B3GALT1: variants seen among roughly 807,000 people sequenced by gnomAD.
The protein encoded by B3GALT1 is UDP-Gal:betaGlcNAc beta 1,3-galactosyltransferase, polypeptide 1.
Under a neutral mutation model 23.2 loss-of-function variants are expected in B3GALT1, and 10 were observed. That is an observed-to-expected ratio of 0.43 (90% CI 0.27 to 0.73). The LOEUF is 0.73. Ranked by LOEUF, B3GALT1 falls within the 30% of genes least tolerant of loss-of-function variation. The probability of loss-of-function intolerance (pLI) is 0.21; values close to 1 mark genes in which losing one functional copy is unlikely to be tolerated. For missense variants in B3GALT1, 299 were observed against 405.4 expected (o/e 0.74, Z 2.25); for synonymous variants, 156 against 141.5 (o/e 1.10, Z -0.73).
intron 2 of B3GALT1, among the ~76,000 whole-genome samples, chr2:167,575,146 A>G (rs1684358999): frequency 6.6e-6 from 1 of 151,820 alleles, no homozygotes; most frequent in African/African-American, 2.4e-5. Context: ...TGTTATAAGG[A>G]TGAAATAAGT....
At chr2:167,479,583 A>G (rs541268527) in intron 1 of B3GALT1, among the ~76,000 whole-genome samples, 3 of 152,314 alleles carry the variant, frequency 2.0e-5, no homozygotes, top group East Asian at 1.9e-4. Context: ...AGTAAGCACA[A>G]TTCAACTCTG....
At chr2:167,542,802 T>G (rs1683554137) in intron 2 of B3GALT1, among the ~76,000 whole-genome samples, 1 of 151,896 alleles carries the variant, frequency 6.6e-6, no homozygotes, top group Non-Finnish European at 1.5e-5. Flanking sequence ...TTAAAGCTTT[T>G]TTTTTTTTTG....
At chr2:167,430,155 T>G (rs975781353) in intron 1 of B3GALT1, among the ~76,000 whole-genome samples, 1 of 152,150 alleles carries the variant, frequency 6.6e-6, no homozygotes, top group African/African-American at 2.4e-5. Flanking sequence ...GGAGGTCTCT[T>G]CAGAAGGGGT....
rs1288102854 is a variant in B3GALT1 at position 167,873,761 on chromosome 2, TTGTC to T, written c.*3745_*3748del. 8.5e-5 allele frequency: 13 copies of T among 152,218 alleles called. No individual in the cohort carries two copies. The highest frequency in any genetic ancestry group is 1.9e-4 in the Non-Finnish European group (13 of 68,030). The allele number at this position is 152,218 out of a possible 1,614,324, so 9.4% of individuals were successfully genotyped here. ...GTACATACTGTTTCGCCAAAAGTAA[TTGTC>T]TGTAAAAGTGCACTCTCCAGGTTTG... On this transcript the variant is annotated 3_prime_UTR_variant, in exon 5 of 5. Transcript: ENST00000392690.
chr2:167,644,047 T>C (rs1195460506), intron 2 of B3GALT1, among the ~76,000 whole-genome samples: 2 of 152,088 alleles, frequency 1.3e-5, no homozygotes, highest in Non-Finnish European at 2.9e-5. Flanking sequence ...AATTAAAAAG[T>C]AAAGTAAGAT....
chr2:167,393,100 G>A (rs187993542), intron 1 of B3GALT1, among the ~76,000 whole-genome samples: 6 of 152,108 alleles, frequency 3.9e-5, no homozygotes, highest in African/African-American at 7.2e-5. Flanking sequence ...CAGACGTGGT[G>A]GTGGGTGCCT....
intron 1 of B3GALT1, among the ~76,000 whole-genome samples, chr2:167,319,069 C>T (rs556256647): frequency 6.6e-6 from 1 of 152,142 alleles, no homozygotes; most frequent in Non-Finnish European, 1.5e-5. Flanking sequence ...AGAACTTCAG[C>T]ATTAGACACC....
chr2:167,831,368 G>A (rs905708609), intron 4 of B3GALT1, among the ~76,000 whole-genome samples: 3 of 152,198 alleles, frequency 2.0e-5, no homozygotes, highest in Admixed American at 1.3e-4. Context: ...TAAGCAAATT[G>A]AGTAATTACT....
chr2:167,329,874 T>C (rs2105238835), intron 1 of B3GALT1, among the ~76,000 whole-genome samples: 1 of 152,176 alleles, frequency 6.6e-6, no homozygotes, highest in South Asian at 2.1e-4. Flanking sequence ...GCCTGTAAGG[T>C]TTCTGTTGAG....
chr2:167,803,320 ATTATGT>A (rs1224441418), intron 3 of B3GALT1, among the ~76,000 whole-genome samples: 1 of 152,192 alleles, frequency 6.6e-6, no homozygotes, highest in Non-Finnish European at 1.5e-5. Context: ...AAATAGCTCA[ATTATGT>A]TTTGATTGCA....
intron 1 of B3GALT1, among the ~76,000 whole-genome samples, chr2:167,359,730 A>C (rs1377891169): frequency 6.6e-6 from 1 of 151,810 alleles, no homozygotes; most frequent in Non-Finnish European, 1.5e-5. Flanking sequence ...ATCTTCAGAA[A>C]TACAGTTTAT....
At chr2:167,311,025 A>G (rs1696626990) in intron 1 of B3GALT1, among the ~76,000 whole-genome samples, 1 of 152,122 alleles carries the variant, frequency 6.6e-6, no homozygotes, top group Non-Finnish European at 1.5e-5. Flanking sequence ...CTTATCAATA[A>G]TTAGGACATT....
At chr2:167,427,638 G>C (rs1037569379) in intron 1 of B3GALT1, among the ~76,000 whole-genome samples, 1 of 152,188 alleles carries the variant, frequency 6.6e-6, no homozygotes, top group Non-Finnish European at 1.5e-5. Flanking sequence ...CTGTGCTCAA[G>C]TGATCCTCCC....
At chr2:167,577,719 A>G (rs985100673) in intron 2 of B3GALT1, among the ~76,000 whole-genome samples, 1 of 151,908 alleles carries the variant, frequency 6.6e-6, no homozygotes, top group Non-Finnish European at 1.5e-5. Flanking sequence ...AAATGGCTTC[A>G]GGGATTGCAG....
At chr2:167,344,074 C>T (rs961279181) in intron 1 of B3GALT1, among the ~76,000 whole-genome samples, 1 of 151,934 alleles carries the variant, frequency 6.6e-6, no homozygotes, top group Non-Finnish European at 1.5e-5. Flanking sequence ...TTTTTCTAGA[C>T]AATTACAAAA....
chr2:167,548,613 A>G (rs1015750377), intron 2 of B3GALT1, among the ~76,000 whole-genome samples: 10 of 152,088 alleles, frequency 6.6e-5, no homozygotes, highest in African/African-American at 2.4e-4. Flanking sequence ...GCATCAAGGT[A>G]GAAAGAACCT....
chr2:167,676,516 TACACACAC>T lies in B3GALT1; in HGVS notation c.-352+29582_-352+29589del, dbSNP rs34764364. Among the ~76,000 whole-genome samples, 1,378 of 145,162 alleles carry T rather than the reference TACACACAC, an allele frequency of 9.5e-3. 8 individuals carry two copies. The highest frequency in any genetic ancestry group is 0.013 in the Non-Finnish European group (832 of 66,366). On this transcript the variant is annotated intron_variant, in intron 3 of 4. Transcript: ENST00000392690. The stretch of plus-strand genomic sequence containing the variant: ...ACACATGCACACACGTGTATGTTTA[TACACACAC>T]ACACACACACACACACACACACACA...
intron 2 of B3GALT1, among the ~76,000 whole-genome samples, chr2:167,612,542 T>C (rs1472614350): frequency 6.6e-6 from 1 of 151,884 alleles, no homozygotes; most frequent in Non-Finnish European, 1.5e-5. Flanking sequence ...AGCTGTATAC[T>C]TGATTTGCAT....
intron 3 of B3GALT1, among the ~76,000 whole-genome samples, chr2:167,791,761 G>A (rs1447152570): frequency 6.6e-6 from 1 of 151,978 alleles, no homozygotes; most frequent in African/African-American, 2.4e-5. Context: ...AACCAAAATT[G>A]TATTTTCTCC....
Sources: allele counts gnomAD v4.1 joint callset (sites outside exome capture counted in the v4.1 genomes callset), GRCh38; gene constraint gnomAD v4.1.1; transcripts MANE v1.5; gene names NCBI Gene and HGNC (gene_info 2026-07-23, HGNC 2026-07-21).